The following SYNPO2 variants were observed in gnomAD, a reference collection of about 807,000 sequenced individuals.
The protein encoded by SYNPO2 is synaptopodin-2.
SYNPO2 carries 56 observed loss-of-function variants against 85.0 expected under a neutral mutation model. The ratio of observed to expected loss-of-function variants is 0.66; its 90% confidence interval spans 0.53 to 0.82. SYNPO2 has a LOEUF of 0.82. Ranked by LOEUF, SYNPO2 falls within the 40% of genes least tolerant of loss-of-function variation. SYNPO2 has a pLI of 0.00. For missense variants in SYNPO2, 1,575 were observed against 1,534.2 expected (o/e 1.03, Z -0.44); for synonymous variants, 602 against 591.1 (o/e 1.02, Z -0.27).
At chr4:119,033,437 A>G (rs1738369897) in intron 4 of SYNPO2, 1 of 985,316 alleles carries the variant, frequency 1.0e-6, no homozygotes, top group Non-Finnish European at 1.2e-6. Context: ...TGGTACTGAA[A>G]GTAAACCTGA....
chr4:119,019,580 C>T (rs980909588), intron 1 of SYNPO2, among the ~76,000 whole-genome samples: 3 of 152,106 alleles, frequency 2.0e-5, no homozygotes, highest in African/African-American at 4.8e-5. Flanking sequence ...AAAGCCAACA[C>T]GTCTGAATTC....
At chr4:118,862,280 G>A (rs1280695945) in intron 1 of SYNPO2, among the ~76,000 whole-genome samples, 1 of 152,168 alleles carries the variant, frequency 6.6e-6, no homozygotes, top group African/African-American at 2.4e-5. Context: ...CTGAAACAAG[G>A]ATAATTTGAC....
At chr4:118,883,481 G>A (rs1399710755) in intron 1 of SYNPO2, among the ~76,000 whole-genome samples, 4 of 152,178 alleles carry the variant, frequency 2.6e-5, no homozygotes, top group Non-Finnish European at 5.9e-5. Context: ...CTCAGTTCAT[G>A]TTAGGCCCAG....
At chr4:119,014,010 C>T (rs1469230650) in intron 1 of SYNPO2, among the ~76,000 whole-genome samples, 2 of 152,158 alleles carry the variant, frequency 1.3e-5, no homozygotes, top group Non-Finnish European at 2.9e-5. Context: ...CCTCCTTTTC[C>T]AACTATATAA....
chr4:118,990,178 C>A (rs1736359716), intron 1 of SYNPO2, among the ~76,000 whole-genome samples: 1 of 151,870 alleles, frequency 6.6e-6, no homozygotes, highest in South Asian at 2.1e-4. Context: ...GGTAATAATA[C>A]CTATCATATT....
intron 4 of SYNPO2, chr4:119,032,521 C>T: frequency 2.0e-6 from 2 of 1,007,144 alleles, no homozygotes; most frequent in Non-Finnish European, 2.4e-6. Context: ...AATAAGGAAT[C>T]TATGAAGGAC....
At chr4:119,038,897 GTT>G (rs34589820) in intron 4 of SYNPO2, among the ~76,000 whole-genome samples, 6,567 of 148,280 alleles carry the variant, frequency 0.044, 396 homozygotes, top group African/African-American at 0.13. Flanking sequence ...TTTTCCAGTG[GTT>G]TTTTTTTTTT....
At chr4:118,912,677 G>A (rs1477261729) in intron 1 of SYNPO2, among the ~76,000 whole-genome samples, 1 of 151,836 alleles carries the variant, frequency 6.6e-6, no homozygotes, top group South Asian at 2.1e-4. Flanking sequence ...CTACCTGAAA[G>A]CCCTAGCTAG....
Position 119,052,570 on chromosome 4 carries a change from CA to C in SYNPO2, c.3253-4830del, listed in dbSNP as rs1284829043. Reference sequence around the variant, plus strand: ...TCTACTCCTTTTTTTCCTCCAACCCCAGGGGGCCAGAAGGCAGAGTTAGCGA... The same window carrying C: ...TCTACTCCTTTTTTTCCTCCAACCCCGGGGGCCAGAAGGCAGAGTTAGCGA... On this transcript the variant is annotated intron_variant, in intron 4 of 4. Coordinates refer to ENST00000307142, the MANE Select transcript of SYNPO2 (RefSeq NM_133477.3). 2.6e-5 allele frequency among the ~76,000 whole-genome samples: 4 copies of C among 152,268 alleles called. No homozygotes were observed. The East Asian group carries it at 7.7e-4, about 29-fold the overall frequency.
intron 1 of SYNPO2, among the ~76,000 whole-genome samples, chr4:118,981,038 A>G (rs1013832857): frequency 3.9e-5 from 6 of 152,212 alleles, no homozygotes; most frequent in Admixed American, 2.6e-4. Flanking sequence ...TAACTGCTAG[A>G]TAAAGCACTC....
chr4:118,928,995 T>C (rs1733829437), intron 1 of SYNPO2, among the ~76,000 whole-genome samples: 1 of 152,112 alleles, frequency 6.6e-6, no homozygotes, highest in Admixed American at 6.5e-5. Flanking sequence ...GTTTGTGAGC[T>C]CTGTGAGGAA....
Position 118,854,491 on chromosome 4 carries a change from G to C in SYNPO2, c.12+3551G>C, listed in dbSNP as rs1389590363. On this transcript the variant is annotated intron_variant, in intron 1 of 4. Coordinates refer to the SYNPO2 transcript ENST00000610556. ...CAATTTTTTTTCTATATGAATCAAG[G>C]AATCAAAGTAAAACTAGTTTAATTT... Among the ~76,000 whole-genome samples the C allele has an allele frequency of 3.3e-5, 5 of 152,060 alleles. No individual in the cohort carries two copies. In the South Asian group the frequency reaches 8.3e-4, roughly 25 times the overall value.
At chr4:119,020,435 T>G (rs760660110) in intron 1 of SYNPO2, among the ~76,000 whole-genome samples, 1 of 152,212 alleles carries the variant, frequency 6.6e-6, no homozygotes, top group Non-Finnish European at 1.5e-5. Flanking sequence ...TTTCCTATCA[T>G]GCAACACATG....
At chr4:119,027,556 T>C in intron 3 of SYNPO2, 118 bp downstream of exon 3, 1 of 999,544 alleles carries the variant, frequency 1.0e-6, no homozygotes, top group South Asian at 2.2e-5. Context: ...CTTAAAGAAA[T>C]ATTTAATTAA....
At chr4:118,913,023 G>A (rs1263828304) in intron 1 of SYNPO2, among the ~76,000 whole-genome samples, 1 of 152,138 alleles carries the variant, frequency 6.6e-6, no homozygotes, top group African/African-American at 2.4e-5. Context: ...CCAACTAATT[G>A]TTAGCATTAG....
intron 4 of SYNPO2, chr4:119,033,387 A>G: frequency 1.0e-6 from 1 of 985,434 alleles, no homozygotes; most frequent in Non-Finnish European, 1.2e-6. Context: ...TTAATTGGCC[A>G]CACACCATGT....
At chr4:118,857,870 T>C (rs1380841334) in intron 1 of SYNPO2, among the ~76,000 whole-genome samples, 11 of 152,238 alleles carry the variant, frequency 7.2e-5, no homozygotes, top group African/African-American at 2.7e-4. Flanking sequence ...TGGCTATCTT[T>C]ACAAAAAATA....
intron 1 of SYNPO2, among the ~76,000 whole-genome samples, chr4:118,879,298 A>C (rs1732016480): frequency 6.6e-6 from 1 of 152,198 alleles, no homozygotes; most frequent in African/African-American, 2.4e-5. Flanking sequence ...GCCAATTCAG[A>C]GAGGGTTAGA....
rs758744888 is a variant in SYNPO2, at chr4:119,030,463, A to C, written c.1688A>C (p.His563Pro). The change falls in exon 4 of 5, where the codon CAT (histidine) becomes CCT (proline). Residue 563 changes from histidine (H) to proline (P), a missense_variant. Physicochemically the swap from His to Pro is moderately conservative, Grantham distance 77. Transcript: ENST00000307142. ...ATCGAGGTGAGTCATGGTCTTGGCC[A>C]TGTTCCCCAACAGAATGGCTTCAGT... The part of the protein sequence containing the change: ...SYIEVSHGLG[H>P]VPQQNGFSGT... 7 of 1,614,070 alleles carry C rather than the reference A, an allele frequency of 4.3e-6. No individual in the cohort carries two copies. The African/African-American group carries it at 8.0e-5, about 18-fold the overall frequency.
Sources: gnomAD v4.1 joint callset for allele counts (sites outside exome capture counted in the v4.1 genomes callset) on GRCh38, gnomAD v4.1.1 for gene constraint, MANE v1.5 for transcripts, NCBI Gene and HGNC (gene_info 2026-07-23, HGNC 2026-07-21) for gene names.